The following COL4A2 variants were observed in gnomAD, a reference collection of about 807,000 sequenced individuals.
The protein encoded by COL4A2 is collagen alpha-2(IV) chain.
Under a neutral mutation model 200.2 loss-of-function variants are expected in COL4A2, and 99 were observed. The ratio of observed to expected loss-of-function variants is 0.49; its 90% CI spans 0.42 to 0.58. The LOEUF is 0.58. Ranked by LOEUF, COL4A2 falls within the 20% of genes least tolerant of loss-of-function variation. COL4A2 has a pLI of 0.00. For missense variants in COL4A2, 1,950 were observed against 2,314.1 expected, an observed-to-expected ratio of 0.84 and a Z score of 3.23; for synonymous variants, 897 against 900.6, an observed-to-expected ratio of 1.00 and a Z score of 0.07.
intron 4 of COL4A2, among the ~76,000 whole-genome samples, chr13:110,414,839 G>C (rs1262986432): frequency 6.6e-6 from 1 of 152,206 alleles, no homozygotes; most frequent in Non-Finnish European, 1.5e-5. Flanking sequence ...GTATGAGAAG[G>C]AAATATTCTT....
chr13:110,450,519 G>T (rs73617587), intron 20 of COL4A2, 65 bp downstream of exon 20: 78 of 1,572,652 alleles, frequency 5.0e-5, no homozygotes, highest in Admixed American at 2.8e-4. Context: ...GTCCCAGCCG[G>T]ATGTTATTTG....
intron 4 of COL4A2, among the ~76,000 whole-genome samples, chr13:110,369,709 C>T (rs974578301): frequency 1.3e-5 from 2 of 152,118 alleles, no homozygotes; most frequent in African/African-American, 2.4e-5. Context: ...TCCCACCCTT[C>T]CCGCCTCAGC....
intron 3 of COL4A2, among the ~76,000 whole-genome samples, chr13:110,335,366 G>A (rs1004394698): frequency 6.6e-6 from 1 of 152,092 alleles, no homozygotes; most frequent in Admixed American, 6.5e-5. Flanking sequence ...AATCATGAGG[G>A]CGGTTTCCCC....
At chr13:110,311,547 A>T (rs893148260) in intron 3 of COL4A2, among the ~76,000 whole-genome samples, 2 of 152,072 alleles carry the variant, frequency 1.3e-5, no homozygotes, top group African/African-American at 4.8e-5. Context: ...CACCCACCTC[A>T]TAGATGGGGG....
chr13:110,346,083 C>A (rs575605837), intron 3 of COL4A2, among the ~76,000 whole-genome samples: 3 of 152,240 alleles, frequency 2.0e-5, no homozygotes, highest in Non-Finnish European at 2.9e-5. Context: ...AACCTGGGGG[C>A]CAGGAGCCAG....
chr13:110,460,918 G>T (rs1380036445), intron 22 of COL4A2, among the ~76,000 whole-genome samples: 1 of 152,164 alleles, frequency 6.6e-6, no homozygotes, highest in Non-Finnish European at 1.5e-5. Flanking sequence ...AATAAATCAA[G>T]AATCTGTGGA....
chr13:110,372,558 T>TA (rs1330515706), intron 4 of COL4A2, among the ~76,000 whole-genome samples: 1 of 152,256 alleles, frequency 6.6e-6, no homozygotes, highest in African/African-American at 2.4e-5. Context: ...CTTTCTTTTT[T>TA]AATGTGTGTT....
At chr13:110,349,190 G>A (rs982678176) in intron 3 of COL4A2, among the ~76,000 whole-genome samples, 1 of 152,114 alleles carries the variant, frequency 6.6e-6, no homozygotes, top group East Asian at 1.9e-4. Context: ...TTGTTTCCTG[G>A]CATTCAGGTT....
intron 40 of COL4A2, among the ~76,000 whole-genome samples, chr13:110,497,344 C>G (rs925318967): frequency 6.6e-6 from 1 of 151,404 alleles, no homozygotes; most frequent in African/African-American, 2.4e-5. Flanking sequence ...TACACCAGCA[C>G]AGCTTCAGCC....
chr13:110,498,606 CAG>C (rs1199548194), intron 40 of COL4A2, among the ~76,000 whole-genome samples: 4 of 152,194 alleles, frequency 2.6e-5, no homozygotes, highest in African/African-American at 9.7e-5. Context: ...TCCCCAAGGA[CAG>C]AGATTTATCT....
chr13:110,412,268 C>A (rs1879871942), intron 4 of COL4A2, among the ~76,000 whole-genome samples: 1 of 152,226 alleles, frequency 6.6e-6, no homozygotes, highest in South Asian at 2.1e-4. Context: ...GGACTTTCCC[C>A]ATGGGAGGTG....
At chr13:110,361,847 T>C (rs575551951) in intron 4 of COL4A2, among the ~76,000 whole-genome samples, 1 of 152,188 alleles carries the variant, frequency 6.6e-6, no homozygotes, top group East Asian at 1.9e-4. Flanking sequence ...CCACTTCCCC[T>C]CCCTGGGCAG....
chr13:110,308,821 T>A (rs1167832709), intron 3 of COL4A2, among the ~76,000 whole-genome samples: 1 of 152,212 alleles, frequency 6.6e-6, no homozygotes, highest in East Asian at 1.9e-4. Flanking sequence ...TTATACGTTT[T>A]GTTTAAAGAG....
intron 3 of COL4A2, among the ~76,000 whole-genome samples, chr13:110,318,273 G>A (rs182134364): frequency 1.3e-5 from 2 of 152,284 alleles, no homozygotes; most frequent in Non-Finnish European, 1.5e-5. Flanking sequence ...TCAGAGCAAG[G>A]ACAAGCAAGG....
chr13:110,421,102 A>G (rs1040002644), intron 4 of COL4A2, among the ~76,000 whole-genome samples: 4 of 152,238 alleles, frequency 2.6e-5, no homozygotes, highest in African/African-American at 9.6e-5. Context: ...GGTATTGGTG[A>G]GGATACAGAG....
intron 4 of COL4A2, among the ~76,000 whole-genome samples, chr13:110,402,436 C>T (rs1248011623): frequency 1.3e-5 from 2 of 152,184 alleles, no homozygotes; most frequent in Non-Finnish European, 2.9e-5. Flanking sequence ...TCTCTGACTC[C>T]ATATCCGCCT....
intron 20 of COL4A2, chr13:110,456,427 GGAACCAGAA>G (rs1202836283): frequency 3.7e-6 from 1 of 269,170 alleles, no homozygotes; most frequent in African/African-American, 2.3e-5. Flanking sequence ...TTTTTGGGGG[GGAACCAGAA>G]GTGTGTAGCA....
chr13:110,384,129 T>G (rs1253170231), intron 4 of COL4A2, among the ~76,000 whole-genome samples: 1 of 152,212 alleles, frequency 6.6e-6, no homozygotes, highest in Non-Finnish European at 1.5e-5. Flanking sequence ...GACTTGTGGC[T>G]CACTCTGTGT....
At chr13:110,333,514 T>A (rs1170857965) in intron 3 of COL4A2, among the ~76,000 whole-genome samples, 1 of 152,178 alleles carries the variant, frequency 6.6e-6, no homozygotes, top group Admixed American at 6.5e-5. Flanking sequence ...CTTCTTTAAT[T>A]CTCTTCATGG....
Sources: gnomAD v4.1 joint callset for allele counts (sites outside exome capture counted in the v4.1 genomes callset) on GRCh38, gnomAD v4.1.1 for gene constraint, MANE v1.5 for transcripts, NCBI Gene and HGNC (gene_info 2026-07-23, HGNC 2026-07-21) for gene names.